Variants in BMF observed in about 807,000 individuals in gnomAD.
BMF encodes the protein bcl-2-modifying factor.
Under a neutral mutation model 22.0 loss-of-function variants are expected in BMF, and 10 were observed. The ratio of observed to expected loss-of-function variants is 0.45; its 90% CI spans 0.28 to 0.77. The LOEUF is 0.77. Among genes scored for constraint, BMF ranks in the 30% least tolerant of loss-of-function variants. BMF has a pLI of 0.13. For synonymous variants in BMF, 87 were observed against 88.1 expected (o/e 0.99, Z 0.07); for missense variants, 206 against 226.8 (o/e 0.91, Z 0.59).
Position 40,091,151 on chromosome 15 carries a change from C to G in BMF, c.*636G>C, listed in dbSNP as rs2036222700. ...TGAGGGGTCCTTAGAGAAACTCAAC[C>G]CTCCCTGAGGTCTGCTGGAGGTGGC... On this transcript the variant is annotated 3_prime_UTR_variant, in exon 5 of 5. Coordinates refer to ENST00000354670, the MANE Select transcript of BMF (RefSeq NM_001003940.2). 1 of 152,790 alleles carries G rather than the reference C, an allele frequency of 6.5e-6. No homozygotes were observed. The highest frequency in any genetic ancestry group is 6.5e-5 in the Admixed American group (1 of 15,282). 9.5% of individuals were successfully genotyped at this position (152,790 alleles called of 1,614,324 possible). A position where few individuals can be genotyped will look rare whatever the true frequency, so the allele number is the denominator to read the frequency against.
chr15:40,089,582 G>A lies in BMF; in HGVS notation c.*2205C>T, dbSNP rs2036196170. 1.3e-5 allele frequency: 2 copies of A among 152,238 alleles called. No homozygotes were observed. Among genetic ancestry groups the A allele is most frequent in the African/African-American group, 4.8e-5 (2 of 41,472 alleles). 9.4% of individuals were successfully genotyped at this position (152,238 alleles called of 1,614,324 possible). On this transcript the variant is annotated 3_prime_UTR_variant, in exon 5 of 5. Transcript: ENST00000354670. ...TCAGGCCACAGGGCACCCAGCCTGG[G>A]CCTGGCAAGGTCTCTGAAGCTGATG...
chr15:40,093,076 G>C (rs772317904), intron 4 of BMF, among the ~76,000 whole-genome samples: 2 of 152,240 alleles, frequency 1.3e-5, no homozygotes, highest in Non-Finnish European at 2.9e-5. Flanking sequence ...GAGAGAGGAA[G>C]CCAGCGGCAC....
Position 40,105,942 on chromosome 15 carries a change from G to C in BMF, c.145C>G (p.Leu49Val), listed in dbSNP as rs2036578936. 6.2e-7 allele frequency: 1 copy of C among 1,614,142 alleles called. No individual in the cohort carries two copies. The highest frequency in any genetic ancestry group is 2.2e-5 in the East Asian group (1 of 44,888). Residue 49 changes from leucine (L) to valine (V), a missense_variant, in exon 3 of 5, where the codon CTC becomes GTC. Physicochemically the swap from Leu to Val is conservative, Grantham distance 32. Transcript: ENST00000354670. Reference sequence around the variant, plus strand: ...CCACAGCAGTGGGTGAGAGGGAAGAGCTGAAGTCGGCTGAGGGGGCAGTCC... The same window carrying C: ...CCACAGCAGTGGGTGAGAGGGAAGACCTGAAGTCGGCTGAGGGGGCAGTCC... ...LLDCPLSRLQLFPLTHCCGPG... is the reference protein window; with the variant it reads ...LLDCPLSRLQVFPLTHCCGPG...
chr15:40,096,243 A>C (rs2036358035), intron 4 of BMF, among the ~76,000 whole-genome samples: 1 of 141,694 alleles, frequency 7.1e-6, no homozygotes, highest in African/African-American at 2.7e-5. Flanking sequence ...GTTTCATCCC[A>C]CACAGCCTCT....
At chr15:40,105,276 T>A (rs1428467325) in intron 3 of BMF, among the ~76,000 whole-genome samples, 1 of 152,238 alleles carries the variant, frequency 6.6e-6, no homozygotes, top group African/African-American at 2.4e-5. Flanking sequence ...AGGGGTCTTG[T>A]CTTAGCCTTG....
rs942263730 is a variant in BMF, at chr15:40,090,131, C to A, written c.*1656G>T. ...AAGTAGCCCCACACCAGGGCACGCA[C>A]ACAGCTTAGTGAGCAGAACACAAGC... is the stretch of plus-strand genomic sequence containing the variant. On this transcript the variant is annotated 3_prime_UTR_variant, in exon 5 of 5. Transcript: ENST00000354670. The A allele has an allele frequency of 6.6e-6, 1 of 152,486 alleles. No individual in the cohort carries two copies. Among genetic ancestry groups the A allele is most frequent in the Non-Finnish European group, 1.5e-5 (1 of 68,050 alleles). The allele number at this position is 152,486 out of a possible 1,614,324, so 9.4% of individuals were successfully genotyped here.
At chr15:40,104,110 G>T in intron 4 of BMF, 70 bp downstream of exon 4, 1 of 1,581,460 alleles carries the variant, frequency 6.3e-7, no homozygotes, top group Admixed American at 1.7e-5. Context: ...GCTGACAAGA[G>T]GAGAGAGGCA....
At chr15:40,099,608 G>A (rs946404414) in intron 4 of BMF, among the ~76,000 whole-genome samples, 2 of 151,852 alleles carry the variant, frequency 1.3e-5, no homozygotes, top group East Asian at 1.9e-4. Context: ...GAGAAACCCC[G>A]TCTCTACTAA....
chr15:40,093,081 C>T (rs548714398), intron 4 of BMF, among the ~76,000 whole-genome samples: 13 of 152,338 alleles, frequency 8.5e-5, no homozygotes, highest in East Asian at 5.8e-4. Context: ...AGGAAGCCAG[C>T]GGCACAGCTG....
chr15:40,099,541 G>T (rs1178609822), intron 4 of BMF, among the ~76,000 whole-genome samples: 1 of 152,164 alleles, frequency 6.6e-6, no homozygotes, highest in Non-Finnish European at 1.5e-5. Context: ...CACTTTGGGA[G>T]GCCGAGATGG....
intron 3 of BMF, 123 bp downstream of exon 3, chr15:40,105,672 G>T: frequency 8.1e-7 from 1 of 1,227,852 alleles, no homozygotes; most frequent in Admixed American, 2.3e-5. Flanking sequence ...TGGAAGTCAA[G>T]GAATCAACAG....
At chr15:40,091,974 T>C (rs746705939) in intron 4 of BMF, 86 bp from the exon 5 acceptor site, 2 of 1,042,036 alleles carry the variant, frequency 1.9e-6, no homozygotes, top group Non-Finnish European at 2.9e-6. Flanking sequence ...AAAGTTCAGA[T>C]CTCCAAGTCT....
intron 4 of BMF, among the ~76,000 whole-genome samples, chr15:40,097,674 G>C (rs2036394025): frequency 6.6e-6 from 1 of 152,226 alleles, no homozygotes; most frequent in African/African-American, 2.4e-5. Context: ...AAAGTCCAAG[G>C]TTGCTGTGGT....
intron 4 of BMF, among the ~76,000 whole-genome samples, chr15:40,103,854 C>T (rs1306225655): frequency 2.0e-5 from 3 of 152,322 alleles, no homozygotes; most frequent in African/African-American, 2.4e-5. Flanking sequence ...TGAGGGGCAA[C>T]CCCTCAGCCA....
chr15:40,106,264 C>T lies in BMF; in HGVS notation c.-5-173G>A, dbSNP rs935182851. 23 of 714,970 alleles carry T rather than the reference C, an allele frequency of 3.2e-5. No individual in the cohort carries two copies. The highest frequency in any genetic ancestry group is 5.0e-5 in the Non-Finnish European group (23 of 463,868). 44.3% of individuals were successfully genotyped at this position (714,970 alleles called of 1,614,324 possible). A position where few individuals can be genotyped will look rare whatever the true frequency, so the allele number is the denominator to read the frequency against. On this transcript the variant is annotated intron_variant, in intron 2 of 4. Coordinates refer to ENST00000354670, the MANE Select transcript of BMF (RefSeq NM_001003940.2). This position sits in a 1 kb window ranked among gnomAD's most constrained non-coding sequence, Gnocchi z 4.1. The stretch of plus-strand genomic sequence containing the variant: ...GCACTGCTAAGGGTGACATTCACTC[C>T]CCAAATGTGGACTGCCTGAATGTTC...
In BMF at chr15:40,104,342, T is replaced by G; in HGVS notation, c.293-2A>C. 6.2e-7 allele frequency: 1 copy of G among 1,613,976 alleles called. No homozygotes were observed. The highest frequency in any genetic ancestry group is 8.5e-7 in the Non-Finnish European group (1 of 1,179,928). Reference sequence around the variant, plus strand: ...GAGGAAGCCGATAGCCAGCATTGCCTGCAAAGATAGAGGATCCACATCTCA... The same window carrying G: ...GAGGAAGCCGATAGCCAGCATTGCCGGCAAAGATAGAGGATCCACATCTCA... On this transcript the variant is annotated splice_acceptor_variant, in intron 3 of 4. Transcript: ENST00000354670. LOFTEE classifies it high-confidence loss of function.
chr15:40,102,471 C>T (rs537574798), intron 4 of BMF, among the ~76,000 whole-genome samples: 9 of 151,980 alleles, frequency 5.9e-5, no homozygotes, highest in African/African-American at 2.2e-4. Flanking sequence ...AGGGCCTCCT[C>T]CTCCTCCTGT....
chr15:40,094,538 C>T (rs1473708079), intron 4 of BMF, among the ~76,000 whole-genome samples: 1 of 152,176 alleles, frequency 6.6e-6, no homozygotes, highest in East Asian at 1.9e-4. Context: ...TCAACCTGCT[C>T]ATGAGTTCTC....
intron 4 of BMF, among the ~76,000 whole-genome samples, chr15:40,103,141 A>C (rs900128732): frequency 6.6e-6 from 1 of 152,156 alleles, no homozygotes; most frequent in African/African-American, 2.4e-5. Flanking sequence ...ACCTGAAGCT[A>C]CCCTTCTAAC....
Sources: gnomAD v4.1 joint callset for allele counts (sites outside exome capture counted in the v4.1 genomes callset) on GRCh38, gnomAD v4.1.1 for gene constraint, Gnocchi (gnomAD v3.1) non-coding constraint, MANE v1.5 for transcripts, NCBI Gene and HGNC (gene_info 2026-07-23, HGNC 2026-07-21) for gene names.